Variants in TLN2 observed in about 807,000 individuals in gnomAD.
The protein encoded by TLN2 is talin-2.
In TLN2, 118 loss-of-function variants were observed where a neutral mutation model predicts 294.7. The ratio of observed to expected loss-of-function variants is 0.40; its 90% CI spans 0.34 to 0.47. The LOEUF (loss-of-function observed/expected upper bound fraction) is 0.47. Ranked by LOEUF, TLN2 falls within the 20% of genes least tolerant of loss-of-function variation. The pLI is 0.84. For missense variants in TLN2, 3,083 were observed against 3,282.2 expected, an observed-to-expected ratio of 0.94 and a Z score of 1.48; for synonymous variants, 1,431 against 1,304.5, an observed-to-expected ratio of 1.10 and a Z score of -2.09.
At chr15:62,708,825 TG>T (rs759295218) in intron 21 of TLN2, 29 bp downstream of exon 21, 4 of 1,576,570 alleles carry the variant, frequency 2.5e-6, no homozygotes, top group Non-Finnish European at 3.4e-6. Flanking sequence ...GGTGGGTGGA[TG>T]GGTGGCTTTT....
rs770645975 is a variant in TLN2 at position 62,675,361 on chromosome 15, C to G, written c.957+40C>G. On this transcript the variant is annotated intron_variant, in intron 11 of 58. Coordinates refer to ENST00000636159, the MANE Select transcript of TLN2 (RefSeq NM_015059.3). ...ATGGGGAGAGTGTTCACCTTGGCCC[C>G]TTCTTTTTTCTTTTGTTCAAGCGTT... The G allele has an allele frequency of 1.9e-6, 3 of 1,589,046 alleles. No individual in the cohort carries two copies. In the South Asian group the frequency reaches 3.3e-5, roughly 18 times the overall value.
At chr15:62,475,728 G>A (rs921842215) in intron 1 of TLN2, among the ~76,000 whole-genome samples, 2 of 151,988 alleles carry the variant, frequency 1.3e-5, no homozygotes, top group South Asian at 2.1e-4. Context: ...TGTTTTTGAC[G>A]AAAACCAGGA....
At chr15:62,582,878 A>G (rs2045264114) in intron 1 of TLN2, among the ~76,000 whole-genome samples, 1 of 152,182 alleles carries the variant, frequency 6.6e-6, no homozygotes. Flanking sequence ...GAGGATTGCC[A>G]GTAGGAAAAC....
intron 11 of TLN2, among the ~76,000 whole-genome samples, chr15:62,682,406 T>C (rs919187738): frequency 6.6e-6 from 1 of 152,202 alleles, no homozygotes. Context: ...ATACAGAGCA[T>C]GTCTGCGAGT....
intron 1 of TLN2, among the ~76,000 whole-genome samples, chr15:62,564,634 C>T (rs1332412495): frequency 1.3e-5 from 2 of 152,104 alleles, no homozygotes; most frequent in African/African-American, 2.4e-5. Context: ...AGGCCAGGCA[C>T]AGTGGCTCAT....
intron 55 of TLN2, chr15:62,835,352 T>C (rs1192500631): frequency 8.3e-6 from 2 of 241,102 alleles, no homozygotes; most frequent in Non-Finnish European, 8.1e-6. Flanking sequence ...TTTAAATTTC[T>C]CTTAGCCCTT....
intron 51 of TLN2, among the ~76,000 whole-genome samples, chr15:62,807,371 G>C (rs1469486969): frequency 1.3e-5 from 2 of 152,188 alleles, no homozygotes; most frequent in African/African-American, 2.4e-5. Flanking sequence ...TGATGAAATG[G>C]GCTCAGAGAG....
At chr15:62,665,449 C>CAA (rs1030855851) in intron 9 of TLN2, among the ~76,000 whole-genome samples, 1 of 152,100 alleles carries the variant, frequency 6.6e-6, no homozygotes, top group African/African-American at 2.4e-5. Flanking sequence ...ATGGCAAAGG[C>CAA]AAAAGTAATA....
intron 1 of TLN2, among the ~76,000 whole-genome samples, chr15:62,509,957 C>CA (rs1268829409): frequency 3.3e-5 from 5 of 152,218 alleles, no homozygotes; most frequent in African/African-American, 1.2e-4. Flanking sequence ...ATATTAGTTT[C>CA]AAATTAATCC....
intron 37 of TLN2, among the ~76,000 whole-genome samples, chr15:62,756,826 G>A (rs2062286562): frequency 6.6e-6 from 1 of 152,044 alleles, no homozygotes; most frequent in African/African-American, 2.4e-5. Context: ...AGCGCTAGTT[G>A]GAAGCTGGCA....
intron 24 of TLN2, among the ~76,000 whole-genome samples, 172 bp downstream of exon 24, chr15:62,717,861 A>T (rs1040554723): frequency 5.3e-5 from 8 of 152,288 alleles, no homozygotes; most frequent in African/African-American, 1.9e-4. Flanking sequence ...CATTAAGTGG[A>T]TGGCCTGTGT....
intron 1 of TLN2, among the ~76,000 whole-genome samples, chr15:62,542,001 A>T (rs2041719987): frequency 6.6e-6 from 1 of 151,830 alleles, no homozygotes; most frequent in African/African-American, 2.4e-5. Context: ...CTTGGCGAAT[A>T]CTTTCATAAG....
intron 42 of TLN2, among the ~76,000 whole-genome samples, chr15:62,773,099 G>T (rs191159443): frequency 1.3e-5 from 2 of 151,958 alleles, no homozygotes; most frequent in Non-Finnish European, 2.9e-5. Context: ...TTACCAGAAA[G>T]CTTACAGTGC....
chr15:62,795,999 C>A, intron 46 of TLN2, 128 bp from the exon 47 acceptor site: 1 of 1,236,092 alleles, frequency 8.1e-7, no homozygotes, highest in Non-Finnish European at 1.1e-6. Flanking sequence ...GCCGTTGACT[C>A]CAGATGTGTG....
At chr15:62,838,322 C>T (rs994851492) in intron 57 of TLN2, among the ~76,000 whole-genome samples, 1 of 152,230 alleles carries the variant, frequency 6.6e-6, no homozygotes, top group Non-Finnish European at 1.5e-5. Context: ...CTTCAAGTTG[C>T]TGACTGTCCA....
At chr15:62,585,571 G>T (rs564870032) in intron 1 of TLN2, among the ~76,000 whole-genome samples, 1 of 152,100 alleles carries the variant, frequency 6.6e-6, no homozygotes, top group Non-Finnish European at 1.5e-5. Context: ...GGCATTTTAG[G>T]TGTAGCTTTT....
At chr15:62,650,759 G>A (rs2052500188) in intron 5 of TLN2, among the ~76,000 whole-genome samples, 2 of 152,196 alleles carry the variant, frequency 1.3e-5, no homozygotes, top group Non-Finnish European at 2.9e-5. Context: ...GCACCCATCA[G>A]ATTGATGGGT....
At position 62,652,457 on chromosome 15, in the gene TLN2, T is replaced by C. The variant is rs139855805; in HGVS notation, c.364+323T>C. Among the ~76,000 whole-genome samples, 97 of 152,360 alleles carry C rather than the reference T, an allele frequency of 6.4e-4. 1 individual carries two copies. The highest frequency in any genetic ancestry group is 2.3e-3 in the African/African-American group (95 of 41,592). ...AGCACTCTAGATGTTCACTATCTCC[T>C]TGAGTACTTACGATGACAGCCCACA... On this transcript the variant is annotated intron_variant, in intron 6 of 58. Coordinates refer to ENST00000636159, the MANE Select transcript of TLN2 (RefSeq NM_015059.3).
chr15:62,800,822 C>G, intron 50 of TLN2, 53 bp downstream of exon 50: 1 of 1,469,206 alleles, frequency 6.8e-7, no homozygotes, highest in South Asian at 1.2e-5. Context: ...CAGCTGACCC[C>G]AGTGAGGGCT....
Sources: allele counts gnomAD v4.1 joint callset (sites outside exome capture counted in the v4.1 genomes callset), GRCh38; gene constraint gnomAD v4.1.1; transcripts MANE v1.5; gene names NCBI Gene and HGNC (gene_info 2026-07-23, HGNC 2026-07-21).